STAC: variants seen among roughly 807,000 people sequenced by gnomAD.
STAC encodes the protein SH3 and cysteine-rich domain-containing protein.
STAC carries 43 observed loss-of-function variants against 48.8 expected under a neutral mutation model. The observed-to-expected ratio is 0.88, with a 90% CI of 0.69 to 1.14. The LOEUF is 1.14. Among genes scored for constraint, STAC ranks in the 50% most tolerant of loss-of-function variants. STAC has a pLI of 0.00. For missense variants in STAC, 497 were observed against 504.0 expected (o/e 0.99, Z 0.13); for synonymous variants, 193 against 179.5 (o/e 1.07, Z -0.60).
At chr3:36,412,515 C>G (rs2885140) in intron 1 of STAC, among the ~76,000 whole-genome samples, 1 of 151,852 alleles carries the variant, frequency 6.6e-6, no homozygotes, top group Non-Finnish European at 1.5e-5. Flanking sequence ...GGAAAGAAAG[C>G]CTTTCGGGGG....
intron 2 of STAC, among the ~76,000 whole-genome samples, chr3:36,478,332 A>G (rs1697547483): frequency 2.0e-5 from 3 of 152,326 alleles, no homozygotes; most frequent in African/African-American, 7.2e-5. Flanking sequence ...AGTATTGTAC[A>G]TTTCTTACAA....
At chr3:36,410,063 GCAGGCATCAGTAGTAA>G (rs1390598510) in intron 1 of STAC, among the ~76,000 whole-genome samples, 1 of 152,130 alleles carries the variant, frequency 6.6e-6, no homozygotes, top group Non-Finnish European at 1.5e-5. Flanking sequence ...GTGAGCCATG[GCAGGCATCAGTAGTAA>G]CAGCCAGCTC....
chr3:36,482,188 T>C (rs1253462747), intron 2 of STAC, among the ~76,000 whole-genome samples: 1 of 152,170 alleles, frequency 6.6e-6, no homozygotes, highest in South Asian at 2.1e-4. Context: ...CATTTTAACA[T>C]CCGTCTTAAG....
At chr3:36,417,923 C>A (rs966278837) in intron 1 of STAC, among the ~76,000 whole-genome samples, 2 of 152,114 alleles carry the variant, frequency 1.3e-5, no homozygotes, top group African/African-American at 4.8e-5. Flanking sequence ...TTAATTTTAG[C>A]AATTTACATT....
Position 36,482,299 on chromosome 3 carries a change from C to T in STAC, c.389-693C>T, listed in dbSNP as rs370640972. Among the ~76,000 whole-genome samples, 64 of 152,330 alleles carry T rather than the reference C, an allele frequency of 4.2e-4. 2 individuals are homozygous for T. The South Asian group carries it at 0.013, about 30-fold the overall frequency. On this transcript the variant is annotated intron_variant, in intron 2 of 10. Coordinates refer to ENST00000273183, the MANE Select transcript of STAC (RefSeq NM_003149.3). The stretch of plus-strand genomic sequence containing the variant: ...GCCCTCTTATTAGGCCTCCCAGTTC[C>T]TCTCCAGTGCTCCTGCCTTGGGCCT...
At chr3:36,518,207 A>T (rs185913195) in intron 8 of STAC, among the ~76,000 whole-genome samples, 18 of 152,370 alleles carry the variant, frequency 1.2e-4, no homozygotes, top group Admixed American at 1.1e-3. Flanking sequence ...AAATGACTTC[A>T]AGTAAACATA....
intron 10 of STAC, among the ~76,000 whole-genome samples, chr3:36,531,952 A>G (rs1312534689): frequency 6.6e-6 from 1 of 152,210 alleles, no homozygotes; most frequent in Non-Finnish European, 1.5e-5. Context: ...TTCCATTTAA[A>G]TTACTTTCAT....
chr3:36,465,532 C>G (rs1458591291), intron 2 of STAC, among the ~76,000 whole-genome samples: 1 of 152,028 alleles, frequency 6.6e-6, no homozygotes, highest in African/African-American at 2.4e-5. Flanking sequence ...GAAGTCTTTG[C>G]CTAAGCCAAT....
At chr3:36,387,211 C>T (rs892284430) in intron 1 of STAC, among the ~76,000 whole-genome samples, 1 of 152,060 alleles carries the variant, frequency 6.6e-6, no homozygotes, top group Non-Finnish European at 1.5e-5. Context: ...TCTTTATCAT[C>T]AACCTGAGTT....
chr3:36,524,951 A>G (rs1486616272), intron 8 of STAC, among the ~76,000 whole-genome samples: 5 of 152,214 alleles, frequency 3.3e-5, no homozygotes, highest in African/African-American at 1.2e-4. Flanking sequence ...AGAGGAGTCT[A>G]CTGGTCCTTT....
chr3:36,541,433 A>G (rs1202176592), intron 10 of STAC, among the ~76,000 whole-genome samples: 1 of 152,216 alleles, frequency 6.6e-6, no homozygotes, highest in Non-Finnish European at 1.5e-5. Flanking sequence ...GGTTTTAGTT[A>G]TCCTAGAACA....
chr3:36,515,632 T>G (rs1310904763), intron 8 of STAC, among the ~76,000 whole-genome samples: 1 of 152,156 alleles, frequency 6.6e-6, no homozygotes, highest in Non-Finnish European at 1.5e-5. Flanking sequence ...ATTTGTCTGG[T>G]GTTCAGCAGT....
intron 7 of STAC, 53 bp downstream of exon 7, chr3:36,504,510 T>C (rs78660353): frequency 3.3e-6 from 5 of 1,521,752 alleles, no homozygotes; most frequent in Non-Finnish European, 4.6e-6. Context: ...TAGATAGACC[T>C]GCAGGTCACC....
intron 2 of STAC, chr3:36,459,240 T>C (rs1363016423): frequency 1.3e-5 from 2 of 152,312 alleles, no homozygotes; most frequent in East Asian, 1.9e-4. Flanking sequence ...ATTATCCTGG[T>C]AAATAATTGG....
At chr3:36,522,907 C>T (rs922768406) in intron 8 of STAC, among the ~76,000 whole-genome samples, 7 of 152,178 alleles carry the variant, frequency 4.6e-5, no homozygotes, top group Non-Finnish European at 1.0e-4. Context: ...GAAGATCAAA[C>T]CATCTTTCTA....
chr3:36,385,649 C>T (rs905126356), intron 1 of STAC, among the ~76,000 whole-genome samples: 1 of 152,100 alleles, frequency 6.6e-6, no homozygotes, highest in Non-Finnish European at 1.5e-5. Context: ...CAGAATCTCT[C>T]TCATACCCCT....
chr3:36,475,505 A>G (rs1482269086), intron 2 of STAC, among the ~76,000 whole-genome samples: 1 of 152,178 alleles, frequency 6.6e-6, no homozygotes, highest in African/African-American at 2.4e-5. Context: ...CCACACTCCT[A>G]TTATTACATG....
chr3:36,392,374 G>A (rs747429637), intron 1 of STAC, among the ~76,000 whole-genome samples: 13 of 151,826 alleles, frequency 8.6e-5, no homozygotes, highest in Admixed American at 1.3e-4. Context: ...GGGTCTTACT[G>A]TGTCACCTAG....
chr3:36,474,543 G>C (rs1053185604), intron 2 of STAC, among the ~76,000 whole-genome samples: 10 of 152,134 alleles, frequency 6.6e-5, no homozygotes, highest in African/African-American at 2.4e-4. Context: ...AGTGAGCTGG[G>C]CTTCAGAGTT....
Sources: allele counts gnomAD v4.1 joint callset (sites outside exome capture counted in the v4.1 genomes callset), GRCh38; gene constraint gnomAD v4.1.1; transcripts MANE v1.5; gene names NCBI Gene and HGNC (gene_info 2026-07-23, HGNC 2026-07-21).